MSANTD5: variants seen among roughly 807,000 people sequenced by gnomAD.
MSANTD5 encodes the protein uncharacterized protein MSANTD5.
upstream of MSANTD5, among the ~76,000 whole-genome samples, chr5:178,700,928 A>G (rs1765471229): frequency 6.6e-6 from 1 of 152,204 alleles, no homozygotes; most frequent in Non-Finnish European, 1.5e-5. Context: ...ACACATTTTC[A>G]GGGCTGCTTG....
upstream of MSANTD5, among the ~76,000 whole-genome samples, chr5:178,699,938 T>TAATGGGGAC (rs1561610270): frequency 1.9e-5 from 1 of 53,924 alleles, no homozygotes. Flanking sequence ...TCTGTGGCTT[T>TAATGGGGAC]CCAGCACAGA....
upstream of MSANTD5, among the ~76,000 whole-genome samples, chr5:178,702,301 C>CTTTTTTTTTTTTTT (rs372575693): frequency 2.2e-4 from 30 of 133,352 alleles, no homozygotes; most frequent in Non-Finnish European, 2.6e-4. Context: ...CTTTTTTTTT[C>CTTTTTTTTTTTTTT]TTTTTTTTTT....
At chr5:178,702,608 T>TC (rs1765501265), upstream of MSANTD5, among the ~76,000 whole-genome samples, 1 of 140,700 alleles carries the variant, frequency 7.1e-6, no homozygotes. Context: ...CAATTTTTCT[T>TC]TTTTTTCAAG....
At chr5:178,693,243 G>T (rs987994501), downstream of MSANTD5, among the ~76,000 whole-genome samples, 2 of 152,030 alleles carry the variant, frequency 1.3e-5, no homozygotes, top group African/African-American at 2.4e-5. Flanking sequence ...AACCCAGGTG[G>T]CGGAGGTTAT....
upstream of MSANTD5, among the ~76,000 whole-genome samples, chr5:178,699,937 T>TCTAAGGGTGACCCTGCTTA (rs58269048): frequency 6.8e-6 from 1 of 146,788 alleles, no homozygotes; most frequent in African/African-American, 2.5e-5. Context: ...TTCTGTGGCT[T>TCTAAGGGTGACCCTGCTTA]TCCAGCACAG....
At chr5:178,699,126 C>T (rs1765450548), upstream of MSANTD5, among the ~76,000 whole-genome samples, 1 of 152,022 alleles carries the variant, frequency 6.6e-6, no homozygotes, top group South Asian at 2.1e-4. Context: ...CCAAGTTATT[C>T]CTTCCTCTCC....
At chr5:178,697,229 C>T (rs4607364) in intron 1 of MSANTD5, among the ~76,000 whole-genome samples, 20,374 of 151,264 alleles carry the variant, frequency 0.13, 1,677 homozygotes, top group African/African-American at 0.22. Context: ...CCGAGGCGGG[C>T]GGATCACGAG....
At chr5:178,701,751 T>A (rs552400547), upstream of MSANTD5, among the ~76,000 whole-genome samples, 4 of 147,632 alleles carry the variant, frequency 2.7e-5, no homozygotes, top group East Asian at 5.9e-4. Context: ...ATTTTAAAAA[T>A]ATATATTTTT....
chr5:178,705,594 GTGTGAC>G, the MSANTD5 span, among the ~76,000 whole-genome samples: 1 of 152,224 alleles, frequency 6.6e-6, no homozygotes, highest in African/African-American at 2.4e-5. Context: ...CTGGGTGAGG[GTGTGAC>G]TGCCTTCAAC....
At chr5:178,697,616 G>A (rs1765433344) in exon 1 of MSANTD5, 1 of 152,146 alleles carries the variant, frequency 6.6e-6, no homozygotes, top group Non-Finnish European at 1.5e-5. Flanking sequence ...TTTCTCCCGG[G>A]AGTCTTCTCA....
upstream of MSANTD5, among the ~76,000 whole-genome samples, chr5:178,699,116 C>G (rs1765450502): frequency 6.6e-6 from 1 of 152,062 alleles, no homozygotes; most frequent in Non-Finnish European, 1.5e-5. Flanking sequence ...AAAAATCTGA[C>G]CAAGTTATTC....
upstream of MSANTD5, among the ~76,000 whole-genome samples, chr5:178,701,612 C>T (rs1765484673): frequency 6.7e-6 from 1 of 149,928 alleles, no homozygotes; most frequent in African/African-American, 2.4e-5. Flanking sequence ...GCGGAGGTTG[C>T]AGTGAGACAA....
downstream of MSANTD5, among the ~76,000 whole-genome samples, chr5:178,691,867 G>A (rs1206251743): frequency 1.5e-5 from 2 of 135,360 alleles, no homozygotes; most frequent in African/African-American, 5.3e-5. Context: ...GCTGTGCAGA[G>A]GGGCCCTGGG....
At chr5:178,702,280 A>G (rs17184344), upstream of MSANTD5, among the ~76,000 whole-genome samples, 32,558 of 150,638 alleles carry the variant, frequency 0.22, 4,135 homozygotes, top group South Asian at 0.36. Context: ...AATACGTGGC[A>G]ATTTTTCTTT....
rs13360595 is a variant in MSANTD5 at position 178,697,414 on chromosome 5, C to A, written c.6+172G>T. ...GGTTGCAGTGAGCCGGGATCGCGCC[C>A]CTGCACTCCAGCCTGGGCGACAGAG... On this transcript the variant is annotated intron_variant, in intron 1 of 3. Coordinates refer to ENST00000648368, the Ensembl canonical transcript of MSANTD5. Among the ~76,000 whole-genome samples, 576 of 151,750 alleles carry A rather than the reference C, an allele frequency of 3.8e-3. 3 individuals carry two copies. Among genetic ancestry groups the A allele is most frequent in the African/African-American group, 0.011 (437 of 41,162 alleles).
upstream of MSANTD5, among the ~76,000 whole-genome samples, chr5:178,698,293 C>A (rs563337466): frequency 4.6e-5 from 7 of 152,252 alleles, no homozygotes; most frequent in South Asian, 1.5e-3. Flanking sequence ...AATGAGGAAG[C>A]AGAGGGATAT....
chr5:178,692,936 G>C (rs902593519), downstream of MSANTD5, among the ~76,000 whole-genome samples: 2 of 151,860 alleles, frequency 1.3e-5, no homozygotes, highest in African/African-American at 4.9e-5. Context: ...GGGCCTAAGG[G>C]ATCTCTCTAG....
downstream of MSANTD5, among the ~76,000 whole-genome samples, chr5:178,693,030 GC>G (rs1452855236): frequency 3.9e-5 from 6 of 152,030 alleles, 1 homozygote; most frequent in Non-Finnish European, 8.8e-5. Flanking sequence ...AAGACCACGG[GC>G]TGGGTTCGTA....
chr5:178,699,949 C>T (rs1480940691), upstream of MSANTD5, among the ~76,000 whole-genome samples: 1 of 152,210 alleles, frequency 6.6e-6, no homozygotes, highest in African/African-American at 2.4e-5. Flanking sequence ...CCAGCACAGA[C>T]ATTCTTCATT....
Sources: allele counts gnomAD v4.1 joint callset (sites outside exome capture counted in the v4.1 genomes callset), GRCh38; gene constraint gnomAD v4.1.1; transcripts MANE v1.5; gene names NCBI Gene and HGNC (gene_info 2026-07-23, HGNC 2026-07-21).